WDR11: variants seen among roughly 807,000 people sequenced by gnomAD.
WDR11 encodes the protein WD repeat-containing protein 11.
In WDR11, 83 loss-of-function variants were observed where a neutral mutation model predicts 151.2. The ratio of observed to expected loss-of-function variants is 0.55; its 90% CI spans 0.46 to 0.66. The LOEUF (loss-of-function observed/expected upper bound fraction) is 0.66, where lower values mean the gene tolerates loss of function less well. WDR11 is among the 30% of genes least tolerant of loss of function. The pLI is 0.00. For missense variants in WDR11, 1,301 were observed against 1,480.9 expected (o/e 0.88, Z 1.99); for synonymous variants, 484 against 533.1 (o/e 0.91, Z 1.27).
intron 9 of WDR11, among the ~76,000 whole-genome samples, chr10:120,868,072 T>C (rs1846377041): frequency 6.6e-6 from 1 of 152,228 alleles, no homozygotes; most frequent in South Asian, 2.1e-4. Context: ...TTCTGTTTTA[T>C]TATTTATTCT....
intron 7 of WDR11, 25 bp downstream of exon 7, chr10:120,865,769 T>C (rs1228184267): frequency 6.7e-7 from 1 of 1,484,008 alleles, no homozygotes; most frequent in Admixed American, 1.7e-5. Flanking sequence ...CACAATAATG[T>C]TATATTTTTC....
At chr10:120,861,244 C>T (rs937060675) in intron 4 of WDR11, among the ~76,000 whole-genome samples, 10 of 152,052 alleles carry the variant, frequency 6.6e-5, no homozygotes, top group African/African-American at 2.4e-4. Context: ...TGTGTGTCTG[C>T]ACGTGTTAAA....
chr10:120,890,094 GA>G (rs1261407775), intron 18 of WDR11, 85 bp downstream of exon 18: 2 of 916,996 alleles, frequency 2.2e-6, no homozygotes, highest in African/African-American at 3.3e-5. Context: ...TTCTGATTTA[GA>G]AATGAAAAGT....
chr10:120,880,670 C>A, intron 12 of WDR11, 156 bp from the exon 13 acceptor site: 1 of 720,392 alleles, frequency 1.4e-6, no homozygotes, highest in Non-Finnish European at 2.2e-6. Flanking sequence ...AAAAAAAACC[C>A]GAAAAAACAG....
Position 120,908,574 on chromosome 10 carries a change from T to C in WDR11, c.3536T>C (p.Ile1179Thr), listed in dbSNP as rs1848160330. ...TEDTEKLITA[I>T]YADYARSLKN... ...GGTTTACAGAAACTCATCACTGCTA[T>C]ATATGCAGATTATGCCCGGAGTTTG... The change falls in exon 29 of 29, where the codon ATA becomes ACA. Residue 1179 changes from isoleucine to threonine, a missense_variant. Coordinates refer to ENST00000263461, the MANE Select transcript of WDR11 (RefSeq NM_018117.12). 6.2e-7 allele frequency: 1 copy of C among 1,614,218 alleles called. No homozygotes were observed. The highest frequency in any genetic ancestry group is 8.5e-7 in the Non-Finnish European group (1 of 1,180,032).
intron 2 of WDR11, among the ~76,000 whole-genome samples, chr10:120,853,582 G>A (rs1202497383): frequency 3.3e-5 from 5 of 152,132 alleles, no homozygotes; most frequent in Non-Finnish European, 7.4e-5. Flanking sequence ...GGATTTTTGA[G>A]TAGGAGATTG....
At chr10:120,869,109 T>TG (rs1447725846) in intron 9 of WDR11, among the ~76,000 whole-genome samples, 2 of 138,046 alleles carry the variant, frequency 1.4e-5, no homozygotes, top group African/African-American at 2.6e-5. Context: ...ATTACAGGTT[T>TG]TTTTTTTTTT....
chr10:120,870,940 G>A (rs1255620341), intron 9 of WDR11, among the ~76,000 whole-genome samples: 1 of 152,088 alleles, frequency 6.6e-6, no homozygotes, highest in African/African-American at 2.4e-5. Flanking sequence ...CTGCATTCTG[G>A]ATAGCAGGAC....
chr10:120,885,290 C>T lies in WDR11; in HGVS notation c.1849-524C>T, dbSNP rs1404081412. On this transcript the variant is annotated intron_variant, in intron 14 of 28. Transcript: ENST00000263461. ...GATGAAGTATATATATATATATACA[C>T]ACACACACACACACACACACATATA... Among the ~76,000 whole-genome samples the T allele has an allele frequency of 1.6e-3, 235 of 150,252 alleles. 1 individual carries two copies. Among genetic ancestry groups the T allele is most frequent in the East Asian group, 4.7e-3 (24 of 5,134 alleles).
chr10:120,865,748 A>T lies in WDR11; in HGVS notation c.994+4A>T. 2 of 1,562,452 alleles carry T rather than the reference A, an allele frequency of 1.3e-6. No individual in the cohort carries two copies. Among genetic ancestry groups the T allele is most frequent in the Non-Finnish European group, 1.8e-6 (2 of 1,135,380 alleles). On this transcript the variant is annotated splice_donor_region_variant and intron_variant, in intron 7 of 28. Transcript: ENST00000263461. ...ACCACTTCAAATGAGGAACCAGGTG[A>T]GTTTCTGTCTCACAATAATGTTATA...
chr10:120,901,431 C>T (rs1866519), intron 21 of WDR11, among the ~76,000 whole-genome samples: 56,585 of 151,938 alleles, frequency 0.37, 10,636 homozygotes, highest in Admixed American at 0.44. Context: ...AGCCTCACAG[C>T]GGGAGACGAA....
rs377179158 is a variant in WDR11, at chr10:120,903,035, C to A, written c.2754-20C>A. The A allele has an allele frequency of 3.3e-4, 533 of 1,613,126 alleles. 1 individual carries two copies. The highest frequency in any genetic ancestry group is 4.1e-4 in the Non-Finnish European group (485 of 1,179,968). On this transcript the variant is annotated intron_variant, in intron 22 of 28. Transcript: ENST00000263461. ...CCAGGTGTGCTGAGTGCAGTCAAAA[C>A]TTTGCTTCATCCTTGCCAGGCTCTA...
intron 16 of WDR11, 63 bp downstream of exon 16, chr10:120,886,899 T>C (rs896290335): frequency 2.5e-5 from 40 of 1,575,802 alleles, no homozygotes; most frequent in Non-Finnish European, 3.4e-5. Flanking sequence ...CCATATCCAG[T>C]GAAGGCATAG....
Position 120,905,977 on chromosome 10 carries a change from CCTCT to C in WDR11, c.3398_3401del (p.Ser1133TrpfsTer14). On this transcript the variant is annotated frameshift_variant, in exon 27 of 29. Coordinates refer to ENST00000263461, the MANE Select transcript of WDR11 (RefSeq NM_018117.12). LOFTEE classifies it high-confidence loss of function. Reference sequence around the variant, plus strand: ...AGAAATCAAAGGCTCTCCTGGTTCTCCTCTCTCTGGGCTGCTTTTTTAGCGTGGC... The same window carrying C: ...AGAAATCAAAGGCTCTCCTGGTTCTCCTCTGGGCTGCTTTTTTAGCGTGGC... The C allele has an allele frequency of 6.2e-7, 1 of 1,613,984 alleles. No homozygotes were observed. The highest frequency in any genetic ancestry group is 8.5e-7 in the Non-Finnish European group (1 of 1,180,018).
chr10:120,882,194 A>G (rs1256770947), intron 13 of WDR11, among the ~76,000 whole-genome samples: 1 of 152,112 alleles, frequency 6.6e-6, no homozygotes. Context: ...TTAAGCCAAC[A>G]TGACATTCCC....
At chr10:120,852,129 C>T in intron 1 of WDR11, 1 of 261,322 alleles carries the variant, frequency 3.8e-6, no homozygotes, top group South Asian at 4.5e-5. Flanking sequence ...ACGTCTTGTG[C>T]AGTGTTTGTC....
intron 19 of WDR11, 33 bp from the exon 20 acceptor site, chr10:120,899,996 T>C: frequency 6.3e-7 from 1 of 1,575,540 alleles, no homozygotes; most frequent in South Asian, 1.1e-5. Context: ...TAAAACTTCA[T>C]TTTATTTTTA....
At chr10:120,861,837 T>C (rs1846151130) in intron 4 of WDR11, among the ~76,000 whole-genome samples, 1 of 152,180 alleles carries the variant, frequency 6.6e-6, no homozygotes, top group African/African-American at 2.4e-5. Context: ...TTGCTAAATA[T>C]GGTGCTCCCT....
At chr10:120,852,030 A>C in intron 1 of WDR11, 1 of 219,238 alleles carries the variant, frequency 4.6e-6, no homozygotes, top group Non-Finnish European at 9.2e-6. Context: ...TCCTTTCACT[A>C]TAAATTACTA....
Sources: gnomAD v4.1 joint callset for allele counts (sites outside exome capture counted in the v4.1 genomes callset) on GRCh38, gnomAD v4.1.1 for gene constraint, MANE v1.5 for transcripts, NCBI Gene and HGNC (gene_info 2026-07-23, HGNC 2026-07-21) for gene names.